Variants in CSMD1 observed in about 807,000 individuals in gnomAD.
CSMD1 encodes the protein CUB and Sushi multiple domains 1.
Under a neutral mutation model 417.5 loss-of-function variants are expected in CSMD1, and 213 were observed. The observed-to-expected ratio is 0.51, with a 90% CI of 0.46 to 0.57. CSMD1 has a LOEUF of 0.57. CSMD1 is among the 20% of genes least tolerant of loss of function. The probability of loss-of-function intolerance (pLI) is 0.00; values close to 1 mark genes in which losing one functional copy is unlikely to be tolerated. For synonymous variants in CSMD1, 2,862 were observed against 1,736.8 expected (o/e 1.65, Z -16.11); for missense variants, 6,923 against 4,529.7 (o/e 1.53, Z -15.17).
intron 1 of CSMD1, among the ~76,000 whole-genome samples, chr8:4,816,215 C>A (rs1336953672): frequency 2.0e-5 from 3 of 151,846 alleles, no homozygotes; most frequent in African/African-American, 4.8e-5. Flanking sequence ...GACAGAGTCT[C>A]GCTCTGTTGC....
At chr8:2,980,407 C>T (rs1003320291) in intron 54 of CSMD1, among the ~76,000 whole-genome samples, 3 of 151,678 alleles carry the variant, frequency 2.0e-5, no homozygotes, top group African/African-American at 7.3e-5. Flanking sequence ...TCCTCCACCT[C>T]CTTGTCCTCT....
chr8:4,340,547 A>T (rs572764737), intron 3 of CSMD1, among the ~76,000 whole-genome samples: 1 of 152,196 alleles, frequency 6.6e-6, no homozygotes, highest in African/African-American at 2.4e-5. Context: ...TCAAAGCAGG[A>T]TTGTCCAAGG....
At chr8:4,454,285 C>A (rs999432840) in intron 2 of CSMD1, among the ~76,000 whole-genome samples, 1 of 152,166 alleles carries the variant, frequency 6.6e-6, no homozygotes, top group African/African-American at 2.4e-5. Context: ...CTCCTGACTT[C>A]GGTGGACACC....
intron 2 of CSMD1, among the ~76,000 whole-genome samples, chr8:4,425,489 G>A (rs905651894): frequency 6.6e-6 from 1 of 151,894 alleles, no homozygotes; most frequent in East Asian, 1.9e-4. Context: ...GTGATTAAAT[G>A]TTTATAGCCA....
intron 2 of CSMD1, among the ~76,000 whole-genome samples, chr8:4,487,803 A>G (rs893494342): frequency 1.4e-5 from 2 of 144,014 alleles, no homozygotes; most frequent in East Asian, 2.1e-4. Context: ...AAAATTAATT[A>G]ACTTAGGCAA....
intron 2 of CSMD1, among the ~76,000 whole-genome samples, chr8:4,432,872 C>G (rs1428408587): frequency 1.3e-5 from 2 of 152,198 alleles, no homozygotes; most frequent in Non-Finnish European, 2.9e-5. Context: ...CCGCGAGCCA[C>G]GAATGTGGCT....
chr8:4,372,239 A>G lies in CSMD1; in HGVS notation c.415+47714T>C, dbSNP rs558633690. 2.6e-5 allele frequency among the ~76,000 whole-genome samples: 4 copies of G among 152,316 alleles called. No individual in the cohort carries two copies. In the South Asian group the frequency reaches 8.3e-4, roughly 32 times the overall value. ...AAAGCAGGAAAAAGTAAAACTTTAT[A>G]TGAAGTAAAGATACATAACGTCGGC... On this transcript the variant is annotated intron_variant, in intron 3 of 69. Transcript: ENST00000635120.
At chr8:4,397,880 A>G (rs1306265338) in intron 3 of CSMD1, among the ~76,000 whole-genome samples, 1 of 152,168 alleles carries the variant, frequency 6.6e-6, no homozygotes, top group African/African-American at 2.4e-5. Context: ...TTTTCTTCCA[A>G]TGTTCTAATG....
At chr8:3,246,886 G>C (rs1346875231) in intron 26 of CSMD1, among the ~76,000 whole-genome samples, 1 of 152,170 alleles carries the variant, frequency 6.6e-6, no homozygotes, top group East Asian at 1.9e-4. Context: ...TTTGGAATTA[G>C]AGTTCCAATT....
chr8:3,509,819 G>A (rs888194465), intron 10 of CSMD1, among the ~76,000 whole-genome samples: 1 of 152,046 alleles, frequency 6.6e-6, no homozygotes, highest in Non-Finnish European at 1.5e-5. Flanking sequence ...CACCAGCCAG[G>A]TGTGAGGCTA....
intron 49 of CSMD1, among the ~76,000 whole-genome samples, chr8:3,071,616 C>G (rs1813327129): frequency 6.6e-6 from 1 of 152,182 alleles, no homozygotes; most frequent in Non-Finnish European, 1.5e-5. Flanking sequence ...GATTATTTCT[C>G]ACATGATTTT....
At chr8:3,894,702 T>C (rs1807237000) in intron 5 of CSMD1, among the ~76,000 whole-genome samples, 1 of 152,156 alleles carries the variant, frequency 6.6e-6, no homozygotes, top group East Asian at 1.9e-4. Context: ...TTTTCCTGCC[T>C]CCAACTATAT....
chr8:4,120,246 G>A (rs1431542811), intron 3 of CSMD1, among the ~76,000 whole-genome samples: 2 of 151,864 alleles, frequency 1.3e-5, no homozygotes, highest in East Asian at 3.9e-4. Context: ...TGACTCCTGG[G>A]GCATAAAAAG....
chr8:3,397,468 T>A (rs1811772294), intron 16 of CSMD1, among the ~76,000 whole-genome samples: 1 of 152,226 alleles, frequency 6.6e-6, no homozygotes, highest in Non-Finnish European at 1.5e-5. Flanking sequence ...AACTAGTGAA[T>A]GTGGTACCCT....
intron 49 of CSMD1, among the ~76,000 whole-genome samples, chr8:3,063,559 G>T (rs1812731668): frequency 6.6e-6 from 1 of 152,162 alleles, no homozygotes; most frequent in Non-Finnish European, 1.5e-5. Context: ...ATTCACAATA[G>T]CTAAAATATG....
chr8:4,147,602 T>C (rs1332547269), intron 3 of CSMD1, among the ~76,000 whole-genome samples: 11 of 152,164 alleles, frequency 7.2e-5, no homozygotes, highest in Non-Finnish European at 1.2e-4. Context: ...TAATATCGGT[T>C]CCCTAATGCA....
chr8:4,216,536 A>G (rs1268947844), intron 3 of CSMD1, among the ~76,000 whole-genome samples: 1 of 152,186 alleles, frequency 6.6e-6, no homozygotes, highest in Non-Finnish European at 1.5e-5. Context: ...AAGAATTCTC[A>G]AGATCAAAGA....
intron 3 of CSMD1, among the ~76,000 whole-genome samples, chr8:4,406,565 A>G (rs527809568): frequency 2.0e-5 from 3 of 152,234 alleles, no homozygotes; most frequent in East Asian, 1.9e-4. Context: ...TGCCTTCTGT[A>G]GGCATATGAG....
intron 2 of CSMD1, among the ~76,000 whole-genome samples, chr8:4,586,596 G>C (rs750817597): frequency 5.3e-5 from 8 of 151,936 alleles, no homozygotes; most frequent in Non-Finnish European, 1.0e-4. Flanking sequence ...ATTTTCTCTA[G>C]GACTTTTGGA....
Sources: gnomAD v4.1 joint callset for allele counts (sites outside exome capture counted in the v4.1 genomes callset) on GRCh38, gnomAD v4.1.1 for gene constraint, MANE v1.5 for transcripts, NCBI Gene and HGNC (gene_info 2026-07-23, HGNC 2026-07-21) for gene names.